The following DNM1 variants were observed in gnomAD, a reference collection of about 807,000 sequenced individuals.
The protein encoded by DNM1 is dynamin-1.
DNM1 carries 29 observed loss-of-function variants against 104.6 expected under a neutral mutation model. That is an observed-to-expected ratio of 0.28 (90% confidence interval 0.21 to 0.38). The LOEUF (loss-of-function observed/expected upper bound fraction) is 0.38. DNM1 is among the 10% of genes least tolerant of loss of function. The pLI, the probability that DNM1 is intolerant of heterozygous loss-of-function variation, is 1.00. For missense variants in DNM1, 640 were observed against 1,189.4 expected, an observed-to-expected ratio of 0.54 and a Z score of 6.79; for synonymous variants, 445 against 475.8, an observed-to-expected ratio of 0.94 and a Z score of 0.84.
chr9:128,208,097 CA>C (rs1481865409), intron 1 of DNM1, among the ~76,000 whole-genome samples: 3 of 149,474 alleles, frequency 2.0e-5, no homozygotes, highest in Non-Finnish European at 3.0e-5. Context: ...CTCACTCTGT[CA>C]CCCAGACTTG....
intron 1 of DNM1, among the ~76,000 whole-genome samples, chr9:128,207,311 C>T (rs1036999981): frequency 3.3e-5 from 5 of 151,900 alleles, no homozygotes; most frequent in South Asian, 2.1e-4. Flanking sequence ...ATTTGGAAGT[C>T]GTTGGTGTAG....
At position 128,250,711 on chromosome 9, in the gene DNM1, C is replaced by T; in HGVS notation, c.2319-14C>T. The T allele has an allele frequency of 1.4e-6, 2 of 1,460,770 alleles. No individual in the cohort carries two copies. The highest frequency in any genetic ancestry group is 1.8e-6 in the Non-Finnish European group (2 of 1,112,728). The allele number at this position is 1,460,770 out of a possible 1,614,324, so 90.5% of individuals were successfully genotyped here. A position where few individuals can be genotyped will look rare whatever the true frequency, so the allele number is the denominator to read the frequency against. On this transcript the variant is annotated splice_polypyrimidine_tract_variant and intron_variant, in intron 20 of 21. Coordinates refer to ENST00000372923, the MANE Select transcript of DNM1 (RefSeq NM_004408.4). ...TCTCGCCTCTCCTTGTTCCTCGCTC[C>T]CTGTCGCCCTCAGGTCGCCCACGTC...
At position 128,222,381 on chromosome 9, in the gene DNM1, G is replaced by A. The variant is rs748333304; in HGVS notation, c.992+42G>A. Reference sequence around the variant, plus strand: ...TCCTATCACTGAATCCCCGCCCCCAGCCTCTCAGCGTGGGGCTCTCCCAGG... The same window carrying A: ...TCCTATCACTGAATCCCCGCCCCCAACCTCTCAGCGTGGGGCTCTCCCAGG... On this transcript the variant is annotated intron_variant, in intron 7 of 21. Transcript: ENST00000372923. This position sits in a 1 kb window ranked among gnomAD's most constrained non-coding sequence, Gnocchi z 7.8. 1 of 1,608,662 alleles carries A rather than the reference G, an allele frequency of 6.2e-7. No individual in the cohort carries two copies. Among genetic ancestry groups the A allele is most frequent in the Admixed American group, 1.7e-5 (1 of 59,772 alleles).
chr9:128,214,739 A>G (rs1834504083), intron 1 of DNM1, among the ~76,000 whole-genome samples: 2 of 152,140 alleles, frequency 1.3e-5, no homozygotes, highest in South Asian at 4.1e-4. Flanking sequence ...CTCCCTGGGA[A>G]CCCACCATCT....
In DNM1 at chr9:128,253,185, G is replaced by C. The variant is rs1234047172; in HGVS notation, c.2535-1469G>C. The C allele has an allele frequency of 6.3e-7, 1 of 1,581,262 alleles. No homozygotes were observed. ...GCTGCATGAACGGTGTGTCTGCCCC[G>C]CTGCACTAGCTCCACACGGGGCGCG... On this transcript the variant is annotated intron_variant, in intron 21 of 21. Transcript: ENST00000372923. This position sits in a 1 kb window ranked among gnomAD's most constrained non-coding sequence, Gnocchi z 5.9.
rs376185912 is a variant in DNM1, at chr9:128,218,780, A to G, written c.385+49A>G. The G allele has an allele frequency of 6.5e-7, 1 of 1,543,666 alleles. No individual in the cohort carries two copies. Among genetic ancestry groups the G allele is most frequent in the East Asian group, 2.3e-5 (1 of 43,364 alleles). ...ACCTCTAAGAATCATTTTCTTGGCC[A>G]CGCACCTCTGCGTGCCTCGCTCCTC... On this transcript the variant is annotated intron_variant, in intron 3 of 21. Coordinates refer to ENST00000372923, the MANE Select transcript of DNM1 (RefSeq NM_004408.4). This position sits in a 1 kb window ranked among gnomAD's most constrained non-coding sequence, Gnocchi z 4.8.
Position 128,253,171 on chromosome 9 carries a change from GGT to G in DNM1, c.2535-1478_2535-1477del. On this transcript the variant is annotated intron_variant, in intron 21 of 21. Transcript: ENST00000372923. This position sits in a 1 kb window ranked among gnomAD's most constrained non-coding sequence, Gnocchi z 5.9. ...ATGCCTCACCGCCTGCTGCATGAAC[GGT>G]GTGTCTGCCCCGCTGCACTAGCTCC... is the stretch of plus-strand genomic sequence containing the variant. 6.3e-7 allele frequency: 1 copy of G among 1,597,060 alleles called. No individual in the cohort carries two copies. The highest frequency in any genetic ancestry group is 8.5e-7 in the Non-Finnish European group (1 of 1,177,536).
In DNM1 at chr9:128,242,624, T is replaced by G. The variant is rs149267259; in HGVS notation, c.1671+279T>G. ...AAAATACAAAAATTAACCAGGTGTG[T>G]TGGCGGGCGCCTGTAATCCCAGCTA... On this transcript the variant is annotated intron_variant, in intron 15 of 21. Transcript: ENST00000372923. Among the ~76,000 whole-genome samples the G allele has an allele frequency of 3.2e-3, 484 of 152,104 alleles. 1 individual carries two copies. Among genetic ancestry groups the G allele is most frequent in the Non-Finnish European group, 5.5e-3 (377 of 67,978 alleles).
At chr9:128,217,467 A>T (rs1834681918) in intron 1 of DNM1, among the ~76,000 whole-genome samples, 3 of 152,014 alleles carry the variant, frequency 2.0e-5, no homozygotes, top group Admixed American at 2.0e-4. Flanking sequence ...CCTAGGCTGG[A>T]GTGCAATGGC....
Position 128,248,049 on chromosome 9 carries a change from C to A in DNM1, c.1905+114C>A. 2 of 1,451,388 alleles carry A rather than the reference C, an allele frequency of 1.4e-6. No homozygotes were observed. The highest frequency in any genetic ancestry group is 9.7e-7 in the Non-Finnish European group (1 of 1,035,532). 89.9% of individuals were successfully genotyped at this position (1,451,388 alleles called of 1,614,324 possible). A position where few individuals can be genotyped will look rare whatever the true frequency, so the allele number is the denominator to read the frequency against. On this transcript the variant is annotated intron_variant, in intron 18 of 21. Transcript: ENST00000372923. This position sits in a 1 kb window ranked among gnomAD's most constrained non-coding sequence, Gnocchi z 5.6. Reference sequence around the variant, plus strand: ...TTCTTTTCTAATTTCTGGATTGGGGCCAGGCGCAGTGGCTCACACCTGTAA... The same window carrying A: ...TTCTTTTCTAATTTCTGGATTGGGGACAGGCGCAGTGGCTCACACCTGTAA...
rs1194094671 is a variant in DNM1, at chr9:128,224,428, C to T, written c.1335+39C>T. 9 of 1,589,614 alleles carry T rather than the reference C, an allele frequency of 5.7e-6. No homozygotes were observed. The highest frequency in any genetic ancestry group is 4.5e-5 in the East Asian group (2 of 44,474). On this transcript the variant is annotated intron_variant, in intron 10 of 21. Coordinates refer to ENST00000372923, the MANE Select transcript of DNM1 (RefSeq NM_004408.4). This position sits in a 1 kb window ranked among gnomAD's most constrained non-coding sequence, Gnocchi z 4.3. ...CCGGGCCAGCCCCCACCGCCTCTGCCCCGCCCTGCACTGCTGCCAGGCGCT... is the reference window on the plus strand; with the variant it reads ...CCGGGCCAGCCCCCACCGCCTCTGCTCCGCCCTGCACTGCTGCCAGGCGCT...
chr9:128,253,364 G>T lies in DNM1; in HGVS notation c.2535-1290G>T. ...CACTGCCCAAGGCCTCCATGGCTGA[G>T]CCTGGAGGCTCTTGGAACAGGCTCC... is the stretch of plus-strand genomic sequence containing the variant. On this transcript the variant is annotated intron_variant, in intron 21 of 21. Transcript: ENST00000372923. This position sits in a 1 kb window ranked among gnomAD's most constrained non-coding sequence, Gnocchi z 5.9. 3 of 575,292 alleles carry T rather than the reference G, an allele frequency of 5.2e-6. No homozygotes were observed. In the South Asian group the frequency reaches 6.2e-5, roughly 12 times the overall value. The allele number at this position is 575,292 out of a possible 1,614,324, so 35.6% of individuals were successfully genotyped here.
chr9:128,246,984 T>C (rs1459393441), intron 16 of DNM1: 1 of 227,504 alleles, frequency 4.4e-6, no homozygotes, highest in Non-Finnish European at 8.9e-6. Context: ...AGGCTGACTC[T>C]AGTGGGCCCT....
intron 11 of DNM1, among the ~76,000 whole-genome samples, chr9:128,236,316 C>A (rs1250046631): frequency 6.6e-6 from 1 of 152,184 alleles, no homozygotes. Context: ...GTTGTAGCCC[C>A]CTCTGGCTCC....
chr9:128,213,772 C>G (rs1306272410), intron 1 of DNM1, among the ~76,000 whole-genome samples: 3 of 152,160 alleles, frequency 2.0e-5, no homozygotes, highest in African/African-American at 7.2e-5. Flanking sequence ...ACATGCCAGA[C>G]CCAGGGCTAG....
intron 10 of DNM1, among the ~76,000 whole-genome samples, chr9:128,231,389 C>T (rs1200489434): frequency 9.2e-5 from 14 of 151,568 alleles, no homozygotes; most frequent in African/African-American, 2.9e-4. Context: ...TTAATAGAGA[C>T]GGGGTTTCTC....
rs761451400 is a variant in DNM1 at position 128,254,611 on chromosome 9, C to A, written c.2535-43C>A. The A allele has an allele frequency of 2.5e-6, 4 of 1,595,986 alleles. No homozygotes were observed. The highest frequency in any genetic ancestry group is 3.4e-6 in the Non-Finnish European group (4 of 1,179,578). On this transcript the variant is annotated intron_variant, in intron 21 of 21. Transcript: ENST00000372923. This position sits in a 1 kb window ranked among gnomAD's most constrained non-coding sequence, Gnocchi z 6.1. Reference sequence around the variant, plus strand: ...GCTTGCCTTACCAGCTCTCTCCTCGCTTTTCTCTCCCGTTTTCTCTCTGCT... The same window carrying A: ...GCTTGCCTTACCAGCTCTCTCCTCGATTTTCTCTCCCGTTTTCTCTCTGCT...
intron 11 of DNM1, 50 bp downstream of exon 11, chr9:128,234,157 C>A: frequency 1.4e-6 from 2 of 1,431,262 alleles, no homozygotes; most frequent in South Asian, 2.8e-5. Flanking sequence ...CACTCCTGGC[C>A]GCCTGCGCCT....
At chr9:128,216,039 C>T (rs977115037) in intron 1 of DNM1, among the ~76,000 whole-genome samples, 1 of 151,862 alleles carries the variant, frequency 6.6e-6, no homozygotes, top group African/African-American at 2.4e-5. Flanking sequence ...CCAGCAAACC[C>T]CCTCCCTCTG....
Sources: gnomAD v4.1 joint callset for allele counts (sites outside exome capture counted in the v4.1 genomes callset) on GRCh38, gnomAD v4.1.1 for gene constraint, Gnocchi (gnomAD v3.1) non-coding constraint, MANE v1.5 for transcripts, NCBI Gene and HGNC (gene_info 2026-07-23, HGNC 2026-07-21) for gene names.